TBL1XR1: variants seen among roughly 807,000 people sequenced by gnomAD.
TBL1XR1 encodes the protein TBL1X/Y related 1, also known as F-box-like/WD repeat-containing protein TBL1XR1.
TBL1XR1 carries 5 observed loss-of-function variants against 66.9 expected under a neutral mutation model. The ratio of observed to expected loss-of-function variants is 0.07; its 90% CI spans 0.04 to 0.16. The LOEUF (loss-of-function observed/expected upper bound fraction) is 0.16, where lower values mean the gene tolerates loss of function less well. TBL1XR1 is among the 10% of genes least tolerant of loss of function. The pLI, the probability that TBL1XR1 is intolerant of heterozygous loss-of-function variation, is 1.00. For missense variants in TBL1XR1, 238 were observed against 623.2 expected (o/e 0.38, Z 6.58); for synonymous variants, 210 against 206.0 (o/e 1.02, Z -0.17).
Position 177,047,566 on chromosome 3 carries a change from T to C in TBL1XR1, c.703-17A>G, listed in dbSNP as rs1380537242. The C allele has an allele frequency of 1.2e-6, 2 of 1,607,932 alleles. No individual in the cohort carries two copies. The highest frequency in any genetic ancestry group is 1.3e-5 in the African/African-American group (1 of 74,728). ...ACCTTCACTCTGCCAGAGAAAAACA[T>C]TTCTTTAATTATATAATCTAGATAC... is the stretch of plus-strand genomic sequence containing the variant. On this transcript the variant is annotated splice_polypyrimidine_tract_variant and intron_variant, in intron 7 of 15. Coordinates refer to ENST00000457928, the MANE Select transcript of TBL1XR1 (RefSeq NM_024665.7).
chr3:177,163,915 AT>A (rs1732517460), intron 1 of TBL1XR1: 1 of 152,238 alleles, frequency 6.6e-6, no homozygotes, highest in African/African-American at 2.4e-5. Flanking sequence ...TGTTATTACA[AT>A]TAAACAGTAA....
chr3:177,184,274 G>A (rs1735155338), intron 1 of TBL1XR1, among the ~76,000 whole-genome samples: 1 of 152,152 alleles, frequency 6.6e-6, no homozygotes, highest in Admixed American at 6.5e-5. Context: ...AAGTTTGTAA[G>A]TCATGACAGG....
At chr3:177,156,645 T>C (rs1357777288) in intron 1 of TBL1XR1, among the ~76,000 whole-genome samples, 1 of 151,548 alleles carries the variant, frequency 6.6e-6, no homozygotes, top group Non-Finnish European at 1.5e-5. Context: ...CCACAACAAT[T>C]ACATGAGGAC....
At position 177,095,492 on chromosome 3, in the gene TBL1XR1, T is replaced by C. The variant is rs1372287619; in HGVS notation, c.-46+2974A>G. On this transcript the variant is annotated intron_variant, in intron 2 of 15. Coordinates refer to ENST00000457928, the MANE Select transcript of TBL1XR1 (RefSeq NM_024665.7). Reference sequence around the variant, plus strand: ...TATAAATCATGATTAAAGGTGCAATTAGATTTTTTTTTTTTTTGAGATGGT... The same window carrying C: ...TATAAATCATGATTAAAGGTGCAATCAGATTTTTTTTTTTTTTGAGATGGT... Among the ~76,000 whole-genome samples the C allele has an allele frequency of 9.3e-5, 9 of 96,916 alleles. No homozygotes were observed. The Admixed American group carries it at 1.0e-3, about 11-fold the overall frequency. The allele number at this position is 96,916 out of a possible 152,430, so 63.6% of individuals were successfully genotyped here. A position where few individuals can be genotyped will look rare whatever the true frequency, so the allele number is the denominator to read the frequency against.
intron 1 of TBL1XR1, among the ~76,000 whole-genome samples, chr3:177,153,306 T>C (rs1352687557): frequency 6.6e-6 from 1 of 152,138 alleles, no homozygotes. Flanking sequence ...AAGGAAGTTA[T>C]TCAGCAGAAA....
chr3:177,152,709 C>A (rs979728753), intron 1 of TBL1XR1, among the ~76,000 whole-genome samples: 1 of 152,200 alleles, frequency 6.6e-6, no homozygotes, highest in South Asian at 2.1e-4. Flanking sequence ...ATAGATTTCT[C>A]TAACCATCAT....
chr3:177,183,061 A>G (rs887789293), intron 1 of TBL1XR1, among the ~76,000 whole-genome samples: 27 of 152,190 alleles, frequency 1.8e-4, no homozygotes, highest in African/African-American at 6.3e-4. Context: ...TTGAGGCACC[A>G]TAACTTCAGA....
chr3:177,105,181 C>A (rs890333691), intron 1 of TBL1XR1, among the ~76,000 whole-genome samples: 4 of 152,120 alleles, frequency 2.6e-5, no homozygotes, highest in African/African-American at 9.7e-5. Context: ...GTGAGTAGAG[C>A]ATTAATGTGT....
In TBL1XR1 at chr3:177,065,013, G is replaced by A; in HGVS notation, c.-36C>T. The A allele has an allele frequency of 6.9e-7, 1 of 1,455,190 alleles. No individual in the cohort carries two copies. 90.1% of individuals were successfully genotyped at this position (1,455,190 alleles called of 1,614,324 possible). ...ACTTAAACCATGAGGTCACAACACA[G>A]GATATAACCCTAAAAATAAAACAAA... On this transcript the variant is annotated 5_prime_UTR_variant, in exon 3 of 16. Coordinates refer to ENST00000457928, the MANE Select transcript of TBL1XR1 (RefSeq NM_024665.7).
intron 1 of TBL1XR1, among the ~76,000 whole-genome samples, chr3:177,171,663 A>G (rs1417426108): frequency 7.5e-6 from 1 of 133,642 alleles, no homozygotes; most frequent in African/African-American, 2.8e-5. Flanking sequence ...AGATCGCCCC[A>G]CTGCACTCCA....
intron 2 of TBL1XR1, among the ~76,000 whole-genome samples, chr3:177,090,646 C>A (rs28642913): frequency 0.44 from 67,340 of 151,714 alleles, 15,188 homozygotes; most frequent in East Asian, 0.63. Flanking sequence ...CATGGTCTCT[C>A]TTAAAAATGC....
upstream of TBL1XR1, among the ~76,000 whole-genome samples, chr3:177,198,022 G>T (rs966799840): frequency 1.3e-5 from 2 of 151,870 alleles, no homozygotes; most frequent in South Asian, 2.1e-4. Flanking sequence ...GGCGGCGTTG[G>T]GGGCTGGGCG....
At chr3:177,198,080 A>G (rs1346624897), upstream of TBL1XR1, among the ~76,000 whole-genome samples, 1 of 152,052 alleles carries the variant, frequency 6.6e-6, no homozygotes, top group Non-Finnish European at 1.5e-5. Context: ...TCATATGGAC[A>G]TTTGTTTGTG....
intron 1 of TBL1XR1, among the ~76,000 whole-genome samples, chr3:177,172,790 T>C (rs6764151): frequency 0.5 from 74,879 of 150,640 alleles, 19,466 homozygotes; most frequent in Non-Finnish European, 0.57. Context: ...GCTAAAATTA[T>C]TGGACAAAAC....
At position 177,047,481 on chromosome 3, in the gene TBL1XR1, T is replaced by A. The variant is rs3749234; in HGVS notation, c.766+5A>T. 1 of 1,611,396 alleles carries A rather than the reference T, an allele frequency of 6.2e-7. No individual in the cohort carries two copies. The highest frequency in any genetic ancestry group is 1.3e-5 in the African/African-American group (1 of 74,846). On this transcript the variant is annotated splice_donor_5th_base_variant and intron_variant, in intron 8 of 15. Coordinates refer to ENST00000457928, the MANE Select transcript of TBL1XR1 (RefSeq NM_024665.7). ...ACAAAGTAAAAAGGAAAATGCTTCA[T>A]TTACCATCTTTAGTCCATATTCTGG...
At chr3:177,138,680 G>A (rs1350535212) in intron 1 of TBL1XR1, among the ~76,000 whole-genome samples, 1 of 152,054 alleles carries the variant, frequency 6.6e-6, no homozygotes. Flanking sequence ...GAGCAGTACA[G>A]CACAAAGATG....
chr3:177,076,007 CG>C (rs1030485025), intron 2 of TBL1XR1, among the ~76,000 whole-genome samples: 14 of 152,116 alleles, frequency 9.2e-5, no homozygotes, highest in Non-Finnish European at 1.3e-4. Context: ...ATACCTTAGA[CG>C]GAAGTTTTTT....
chr3:177,092,994 G>A (rs1176586771), intron 2 of TBL1XR1, among the ~76,000 whole-genome samples: 1 of 152,044 alleles, frequency 6.6e-6, no homozygotes. Context: ...GACATCAAGG[G>A]CATCCAAATC....
chr3:177,088,720 A>AAAAG (rs1553836635), intron 2 of TBL1XR1, among the ~76,000 whole-genome samples: 1 of 151,466 alleles, frequency 6.6e-6, no homozygotes, highest in African/African-American at 2.4e-5. Flanking sequence ...TAAAAAAAAA[A>AAAAG]AAAAGAAAAG....
Sources: gnomAD v4.1 joint callset for allele counts (sites outside exome capture counted in the v4.1 genomes callset) on GRCh38, gnomAD v4.1.1 for gene constraint, MANE v1.5 for transcripts, NCBI Gene and HGNC (gene_info 2026-07-23, HGNC 2026-07-21) for gene names.